AATF: variants seen among roughly 807,000 people sequenced by gnomAD.
AATF encodes protein AATF.
AATF carries 48 observed loss-of-function variants against 63.7 expected under a neutral mutation model. The observed-to-expected ratio is 0.75, with a 90% CI of 0.60 to 0.96. The LOEUF (loss-of-function observed/expected upper bound fraction) is 0.96, where lower values mean the gene tolerates loss of function less well. AATF is among the 40% of genes least tolerant of loss of function. AATF has a pLI of 0.00. For missense variants in AATF, 639 were observed against 685.7 expected (o/e 0.93, Z 0.76); for synonymous variants, 258 against 247.7 (o/e 1.04, Z -0.39).
intron 11 of AATF, chr17:37,043,334 G>A (rs1042988189): frequency 1.3e-5 from 2 of 152,168 alleles, no homozygotes; most frequent in Non-Finnish European, 2.9e-5. Flanking sequence ...TGTTCATTCT[G>A]CTCATAGCCT....
chr17:37,043,285 AC>A (rs1248114068), intron 11 of AATF: 1 of 152,188 alleles, frequency 6.6e-6, no homozygotes. Context: ...CAGAGCAGAC[AC>A]CTGCAATCCC....
intron 1 of AATF, 68 bp downstream of exon 1, chr17:36,949,284 G>C (rs907666465): frequency 1.4e-5 from 20 of 1,450,790 alleles, no homozygotes; most frequent in Non-Finnish European, 1.8e-5. Flanking sequence ...AGGGGGCGGC[G>C]TGGGAGGGGC....
intron 11 of AATF, chr17:37,054,514 C>A (rs902050409): frequency 6.6e-6 from 1 of 152,142 alleles, no homozygotes; most frequent in Non-Finnish European, 1.5e-5. Context: ...ACTCAGCTTC[C>A]CAGGTTGCTT....
chr17:37,008,035 CTCTTATTTGTTACACA>C (rs1235513353), intron 8 of AATF, among the ~76,000 whole-genome samples: 1 of 152,140 alleles, frequency 6.6e-6, no homozygotes, highest in Non-Finnish European at 1.5e-5. Context: ...TATCCTTTCA[CTCTTATTTGTTACACA>C]TCTTATTTGT....
intron 8 of AATF, among the ~76,000 whole-genome samples, chr17:37,000,476 T>C (rs2071285862): frequency 6.6e-6 from 1 of 152,160 alleles, no homozygotes; most frequent in East Asian, 1.9e-4. Flanking sequence ...TTATTTTTGT[T>C]ACTAGGACCT....
At chr17:36,971,986 A>G (rs948194703) in intron 4 of AATF, among the ~76,000 whole-genome samples, 1 of 151,986 alleles carries the variant, frequency 6.6e-6, no homozygotes, top group East Asian at 1.9e-4. Context: ...TCCTTGGAGT[A>G]TTTTCCACCT....
rs2070831163 is a variant in AATF at position 36,949,135 on chromosome 17, C to T, written c.10C>T (p.Pro4Ser). The change falls in exon 1 of 12, where the codon CCG (proline) becomes TCG (serine). Residue 4 changes from proline (P) to serine (S), a missense_variant. Coordinates refer to ENST00000619387, the MANE Select transcript of AATF (RefSeq NM_012138.4). MAG[P>S]QPLALQLEQL... Reference sequence around the variant, plus strand: ...CCGGGAGCTGGTGACGATGGCGGGGCCGCAGCCCCTGGCGCTGCAACTGGA... The same window carrying T: ...CCGGGAGCTGGTGACGATGGCGGGGTCGCAGCCCCTGGCGCTGCAACTGGA... 1 of 1,578,902 alleles carries T rather than the reference C, an allele frequency of 6.3e-7. No homozygotes were observed. Among genetic ancestry groups the T allele is most frequent in the East Asian group, 2.3e-5 (1 of 43,594 alleles).
chr17:37,008,338 C>G (rs1467323526), intron 8 of AATF, among the ~76,000 whole-genome samples: 1 of 152,152 alleles, frequency 6.6e-6, no homozygotes, highest in Non-Finnish European at 1.5e-5. Flanking sequence ...TCTCAGGGAG[C>G]TCAAGGAACT....
At position 36,967,613 on chromosome 17, in the gene AATF, C is replaced by T. The variant is rs549725423; in HGVS notation, c.832+13706C>T. Reference sequence around the variant, plus strand: ...TCCTGGGTGTTACCTTAGCTTCTTGCTTCTGTGGATCTCCTATTCCAGAGT... The same window carrying T: ...TCCTGGGTGTTACCTTAGCTTCTTGTTTCTGTGGATCTCCTATTCCAGAGT... On this transcript the variant is annotated intron_variant, in intron 4 of 11. Coordinates refer to ENST00000619387, the MANE Select transcript of AATF (RefSeq NM_012138.4). Among the ~76,000 whole-genome samples the T allele has an allele frequency of 2.0e-4, 31 of 152,336 alleles. 1 individual carries two copies. The highest frequency in any genetic ancestry group is 7.2e-4 in the African/African-American group (30 of 41,568).
At position 37,056,301 on chromosome 17, in the gene AATF, T is replaced by C. The variant is rs187034079; in HGVS notation, c.1620-300T>C. The C allele has an allele frequency of 7.6e-3, 2,756 of 362,976 alleles. 16 individuals carry two copies. Among genetic ancestry groups the C allele is most frequent in the Non-Finnish European group, 0.011 (2,271 of 200,368 alleles). 22.5% of individuals were successfully genotyped at this position (362,976 alleles called of 1,614,324 possible). ...TCGGATGGCGGTCTCCTACATCCTA[T>C]TAAAATATTCAATCTTGTTTTCTTA... On this transcript the variant is annotated intron_variant, in intron 11 of 11. Coordinates refer to ENST00000619387, the MANE Select transcript of AATF (RefSeq NM_012138.4).
At chr17:37,036,604 TA>T (rs973485649) in intron 11 of AATF, among the ~76,000 whole-genome samples, 18 of 147,736 alleles carry the variant, frequency 1.2e-4, no homozygotes, top group Admixed American at 6.8e-4. Flanking sequence ...TCTATTTTTT[TA>T]AAAAAAAAAA....
At chr17:36,971,054 A>G (rs1228607337) in intron 4 of AATF, among the ~76,000 whole-genome samples, 1 of 152,226 alleles carries the variant, frequency 6.6e-6, no homozygotes, top group Non-Finnish European at 1.5e-5. Flanking sequence ...AACAGAATCC[A>G]TAAAAGAACA....
intron 4 of AATF, among the ~76,000 whole-genome samples, chr17:36,980,984 G>A (rs2071119129): frequency 6.7e-6 from 1 of 150,322 alleles, no homozygotes; most frequent in Admixed American, 6.7e-5. Context: ...ATGCATGGTA[G>A]TGCTATCCCT....
At chr17:37,045,887 C>T (rs1279818016) in intron 11 of AATF, 1 of 152,194 alleles carries the variant, frequency 6.6e-6, no homozygotes, top group Non-Finnish European at 1.5e-5. Context: ...GGGGAAAGCT[C>T]ACCTGGCAGG....
intron 10 of AATF, among the ~76,000 whole-genome samples, chr17:37,028,249 C>CA (rs199823491): frequency 3.3e-4 from 48 of 146,230 alleles, no homozygotes; most frequent in Admixed American, 1.6e-3. Context: ...CTCTCTCTAC[C>CA]AAAAAAAAAA....
chr17:36,973,027 AG>A (rs1380538132), intron 4 of AATF, among the ~76,000 whole-genome samples: 1 of 152,190 alleles, frequency 6.6e-6, no homozygotes, highest in East Asian at 1.9e-4. Flanking sequence ...ATGTTCCCGC[AG>A]GATCTGTGCA....
intron 11 of AATF, chr17:37,055,729 A>G (rs753902359): frequency 1.3e-5 from 2 of 152,260 alleles, no homozygotes; most frequent in Non-Finnish European, 2.9e-5. Context: ...GCCACGTGCT[A>G]CACGCCCACC....
intron 4 of AATF, among the ~76,000 whole-genome samples, chr17:36,966,968 A>T (rs571176734): frequency 2.4e-4 from 36 of 152,204 alleles, no homozygotes; most frequent in Non-Finnish European, 4.4e-4. Context: ...GAAGCTTGTT[A>T]TGAAAACCAG....
intron 11 of AATF, 47 bp from the exon 12 acceptor site, chr17:37,056,554 G>A: frequency 1.3e-6 from 2 of 1,596,762 alleles, no homozygotes; most frequent in Middle Eastern, 1.7e-4. Context: ...TTTTAACCTT[G>A]AATAGTGAAC....
Sources: gnomAD v4.1 joint callset for allele counts (sites outside exome capture counted in the v4.1 genomes callset) on GRCh38, gnomAD v4.1.1 for gene constraint, MANE v1.5 for transcripts, NCBI Gene and HGNC (gene_info 2026-07-23, HGNC 2026-07-21) for gene names.